CUBN: variants seen among roughly 807,000 people sequenced by gnomAD.
The protein encoded by CUBN is cubilin, also known as 460 kDa receptor.
A neutral mutation model predicts 405.3 loss-of-function variants in CUBN; 282 were observed. The ratio of observed to expected loss-of-function variants is 0.70; its 90% CI spans 0.63 to 0.77. CUBN has a LOEUF of 0.77. CUBN is among the 30% of genes least tolerant of loss of function. The pLI is 0.00. For synonymous variants in CUBN, 1,684 were observed against 1,617.0 expected (o/e 1.04, Z -0.99); for missense variants, 4,514 against 4,475.2 (o/e 1.01, Z -0.25).
At chr10:17,059,077 T>A (rs1388176356) in intron 22 of CUBN, among the ~76,000 whole-genome samples, 2 of 151,470 alleles carry the variant, frequency 1.3e-5, no homozygotes, top group Non-Finnish European at 2.9e-5. Flanking sequence ...CAAAGACAAC[T>A]GTTGGCAAAA....
chr10:17,072,826 T>C lies in CUBN; in HGVS notation c.2302-855A>G, dbSNP rs913887603. Among the ~76,000 whole-genome samples, 3 of 152,052 alleles carry C rather than the reference T, an allele frequency of 2.0e-5. No homozygotes were observed. In the South Asian group the frequency reaches 6.2e-4, roughly 32 times the overall value. On this transcript the variant is annotated intron_variant, in intron 17 of 66. Transcript: ENST00000377833. ...TTTAAATGTGAAATCTATGTACAAC[T>C]CTATGAATGTTTTTAATGGGTTATT...
In CUBN at chr10:16,950,098, G is replaced by T; in HGVS notation, c.4983C>A (p.Thr1661=). The T allele has an allele frequency of 1.9e-6, 3 of 1,612,868 alleles. No homozygotes were observed. The highest frequency in any genetic ancestry group is 2.5e-6 in the Non-Finnish European group (3 of 1,179,112). Residue 1661 remains threonine (T), a synonymous_variant, in exon 34 of 67, where the codon ACC becomes ACA. Transcript: ENST00000377833. The part of the protein sequence containing the change: ...IQAQPPLNHI[T]LSFTHFELER... ...CAAGTTCAAAGTGGGTAAAAGAGAGGGTGATATGATTTACTGGAAGAAAAA... is the reference window on the plus strand; with the variant it reads ...CAAGTTCAAAGTGGGTAAAAGAGAGTGTGATATGATTTACTGGAAGAAAAA...
At chr10:16,935,241 A>G (rs979107296) in intron 39 of CUBN, among the ~76,000 whole-genome samples, 2 of 152,156 alleles carry the variant, frequency 1.3e-5, no homozygotes, top group Non-Finnish European at 2.9e-5. Flanking sequence ...CACTGGCAGC[A>G]TGTAGGCTCA....
chr10:16,900,537 A>T, intron 53 of CUBN, 88 bp downstream of exon 53: 1 of 1,044,804 alleles, frequency 9.6e-7, no homozygotes. Flanking sequence ...ACTAAGCCTG[A>T]TGTAAAGTAG....
intron 27 of CUBN, among the ~76,000 whole-genome samples, chr10:17,033,734 A>G (rs577602298): frequency 6.6e-6 from 1 of 152,316 alleles, no homozygotes; most frequent in East Asian, 1.9e-4. Context: ...GAACTACCAC[A>G]TGGAAGCCAG....
At chr10:17,062,208 A>C (rs188016873) in intron 22 of CUBN, among the ~76,000 whole-genome samples, 7 of 152,178 alleles carry the variant, frequency 4.6e-5, no homozygotes, top group Admixed American at 4.6e-4. Context: ...AATTAATTTC[A>C]TGACTCACGA....
At chr10:16,976,712 G>T (rs1588541387) in intron 31 of CUBN, among the ~76,000 whole-genome samples, 1 of 152,066 alleles carries the variant, frequency 6.6e-6, no homozygotes, top group Non-Finnish European at 1.5e-5. Context: ...TGTCCTCTAT[G>T]TGTCTTAACC....
chr10:17,081,268 C>T (rs1201271780), intron 17 of CUBN, among the ~76,000 whole-genome samples: 1 of 152,146 alleles, frequency 6.6e-6, no homozygotes, highest in Non-Finnish European at 1.5e-5. Context: ...TAAAACCACA[C>T]AAAGAGAAGA....
intron 29 of CUBN, among the ~76,000 whole-genome samples, chr10:16,984,951 G>A (rs1397805808): frequency 1.3e-5 from 2 of 152,086 alleles, no homozygotes; most frequent in Non-Finnish European, 2.9e-5. Flanking sequence ...CTCCCAGCAC[G>A]CCCATGCCCA....
chr10:17,011,419 C>T (rs1036656472), intron 28 of CUBN, among the ~76,000 whole-genome samples: 4 of 151,812 alleles, frequency 2.6e-5, no homozygotes, highest in African/African-American at 9.7e-5. Flanking sequence ...AAAGGTAGTG[C>T]GGAGTTATTT....
intron 27 of CUBN, among the ~76,000 whole-genome samples, chr10:17,023,055 C>T (rs1051367280): frequency 3.9e-5 from 6 of 152,172 alleles, no homozygotes; most frequent in African/African-American, 1.4e-4. Flanking sequence ...GTCAGCTCTG[C>T]AAGATTAAGA....
chr10:16,913,336 T>C (rs537876505), intron 48 of CUBN, among the ~76,000 whole-genome samples: 1 of 152,234 alleles, frequency 6.6e-6, no homozygotes, highest in Non-Finnish European at 1.5e-5. Flanking sequence ...CTGAGAGTGC[T>C]GAAGACACAT....
Position 16,982,661 on chromosome 10 carries a change from T to TA in CUBN, c.4526-9_4526-8insT. 1 of 1,610,722 alleles carries TA rather than the reference T, an allele frequency of 6.2e-7. No homozygotes were observed. Among genetic ancestry groups the TA allele is most frequent in the Non-Finnish European group, 8.5e-7 (1 of 1,177,720 alleles). Reference sequence around the variant, plus strand: ...GGAAAATCCCACCACAACCTGGAAGTGGGGAACACAATTATTTCATGAGAG... The same window carrying TA: ...GGAAAATCCCACCACAACCTGGAAGTAGGGGAACACAATTATTTCATGAGAG... On this transcript the variant is annotated splice_polypyrimidine_tract_variant and intron_variant, in intron 30 of 66. Coordinates refer to ENST00000377833, the MANE Select transcript of CUBN (RefSeq NM_001081.4).
At chr10:16,885,515 T>A (rs1254202748) in intron 56 of CUBN, among the ~76,000 whole-genome samples, 1 of 152,086 alleles carries the variant, frequency 6.6e-6, no homozygotes, top group Non-Finnish European at 1.5e-5. Context: ...GAAATAAAGG[T>A]GAAGTAATTT....
Position 17,043,853 on chromosome 10 carries a change from C to T in CUBN, c.3803G>A (p.Arg1268His), listed in dbSNP as rs778213512. The T allele has an allele frequency of 2.3e-5, 37 of 1,613,396 alleles. No homozygotes were observed. Among genetic ancestry groups the T allele is most frequent in the Middle Eastern group, 1.6e-4 (1 of 6,080 alleles). ...CTGCCGGTATTCAGCCTTGAAGCCA[C>T]GTCCTTGCTGACCTTCATCTGTCCT... ...KLRTDEGQQG[R>H]GFKAEYRQTC... The change falls in exon 26 of 67, where the codon CGT (arginine) becomes CAT (histidine). Residue 1268 changes from arginine to histidine, a missense_variant. Coordinates refer to ENST00000377833, the MANE Select transcript of CUBN (RefSeq NM_001081.4).
rs553871029 is a variant in CUBN, at chr10:17,070,680, T to C, written c.2625+746A>G. 3.3e-5 allele frequency among the ~76,000 whole-genome samples: 5 copies of C among 152,338 alleles called. No individual in the cohort carries two copies. The South Asian group carries it at 8.3e-4, about 25-fold the overall frequency. ...TTTCAAATTGTTCATTGCTGGTGTA[T>C]AGAAAAAGAAAGATTTCTATATTTT... On this transcript the variant is annotated intron_variant, in intron 19 of 66. Coordinates refer to ENST00000377833, the MANE Select transcript of CUBN (RefSeq NM_001081.4).
In CUBN at chr10:16,900,781, C is replaced by A. The variant is rs747786939; in HGVS notation, c.8254G>T (p.Gly2752Cys). Residue 2752 changes from glycine (G) to cysteine (C), a missense_variant, in exon 53 of 67, where the codon GGT becomes TGT. Physicochemically the swap from Gly to Cys is radical, Grantham distance 159. Transcript: ENST00000377833. ...ATGATGGGTGATTCAGGGGACCCAC[C>A]ATTCCTGACAGTGACAGAGTCCCAA... ...CAWDSVTVRN[G>C]GSPESPIIGQ... 16 of 1,614,096 alleles carry A rather than the reference C, an allele frequency of 9.9e-6. No homozygotes were observed. In the South Asian group the frequency reaches 1.8e-4, roughly 18 times the overall value.
intron 36 of CUBN, among the ~76,000 whole-genome samples, chr10:16,946,377 C>T (rs1423177023): frequency 2.6e-5 from 4 of 151,582 alleles, no homozygotes; most frequent in Non-Finnish European, 5.9e-5. Context: ...TATTTATAGT[C>T]CATTTCAAAA....
intron 3 of CUBN, 40 bp downstream of exon 3, chr10:17,127,789 G>A (rs776877420): frequency 4.6e-5 from 66 of 1,433,160 alleles, no homozygotes; most frequent in Non-Finnish European, 6.4e-5. Context: ...TAGAACTAGG[G>A]AGAACTCATC....
Sources: allele counts gnomAD v4.1 joint callset (sites outside exome capture counted in the v4.1 genomes callset), GRCh38; gene constraint gnomAD v4.1.1; transcripts MANE v1.5; gene names NCBI Gene and HGNC (gene_info 2026-07-23, HGNC 2026-07-21).